Variants in TRIM51G observed in about 807,000 individuals in gnomAD.
TRIM51G encodes the protein tripartite motif-containing 51G.
chr11:48,982,250 T>A, the TRIM51G span, among the ~76,000 whole-genome samples: 2 of 152,078 alleles, frequency 1.3e-5, no homozygotes, highest in Admixed American at 6.6e-5. Context: ...CACTAGGAGA[T>A]AAAATAAATA....
At chr11:48,976,420 G>C in the TRIM51G span, among the ~76,000 whole-genome samples, 1 of 152,062 alleles carries the variant, frequency 6.6e-6, no homozygotes, top group Non-Finnish European at 1.5e-5. Flanking sequence ...TAGATAACTG[G>C]ATAAAAGTCC....
the TRIM51G span, chr11:48,981,384 ACAGAACATCTCCTTTGTCT>A: frequency 3.1e-6 from 5 of 1,607,774 alleles, no homozygotes; most frequent in Non-Finnish European, 2.6e-6. Flanking sequence ...TGTCCACTTC[ACAGAACATCTCCTTTGTCT>A]CTCTGTGCGT....
the TRIM51G span, chr11:48,975,962 G>T: frequency 1.4e-6 from 1 of 715,272 alleles, no homozygotes; most frequent in South Asian, 1.4e-5. Flanking sequence ...AGGAAGATAT[G>T]ACTACTGGCT....
the TRIM51G span, chr11:48,978,065 C>T: frequency 3.8e-5 from 18 of 478,070 alleles, no homozygotes; most frequent in African/African-American, 3.6e-4. Flanking sequence ...TCACTTATAC[C>T]TTCAATATCA....
the TRIM51G span, chr11:48,978,210 A>G: frequency 9.6e-5 from 51 of 530,596 alleles, no homozygotes; most frequent in Admixed American, 4.7e-4. Context: ...TGCATCTTCA[A>G]CTAAGTTCAT....
chr11:48,983,779 G>GA, the TRIM51G span, among the ~76,000 whole-genome samples: 4 of 152,052 alleles, frequency 2.6e-5, no homozygotes, highest in African/African-American at 9.7e-5. Flanking sequence ...ATTCTTCCAA[G>GA]AAAAAATTCT....
chr11:48,983,294 G>A, the TRIM51G span, among the ~76,000 whole-genome samples: 67 of 145,026 alleles, frequency 4.6e-4, 1 homozygote, highest in African/African-American at 1.7e-3. Context: ...CTAAGCTAGG[G>A]CATTTTGGAG....
the TRIM51G span, among the ~76,000 whole-genome samples, chr11:48,980,177 C>G: frequency 6.6e-6 from 1 of 151,968 alleles, no homozygotes; most frequent in Non-Finnish European, 1.5e-5. Context: ...TTGACCTAGA[C>G]TAGGTACTCA....
the TRIM51G span, among the ~76,000 whole-genome samples, chr11:48,983,467 A>T: frequency 6.6e-6 from 1 of 152,098 alleles, no homozygotes; most frequent in Non-Finnish European, 1.5e-5. Context: ...GTACACATAT[A>T]TAGGTTTTAA....
chr11:48,982,671 G>C, the TRIM51G span, among the ~76,000 whole-genome samples: 1 of 151,944 alleles, frequency 6.6e-6, no homozygotes, highest in Admixed American at 6.6e-5. Context: ...ATGACAGCCT[G>C]TGTTCAACTT....
At chr11:48,981,217 G>T in the TRIM51G span, 43 of 1,586,210 alleles carry the variant, frequency 2.7e-5, 1 homozygote, top group Middle Eastern at 9.1e-4. Context: ...ATCCAATCTC[G>T]AAGGAAATAG....
At chr11:48,975,533 G>C in the TRIM51G span, 2 of 1,398,342 alleles carry the variant, frequency 1.4e-6, no homozygotes, top group South Asian at 1.2e-5. Context: ...GGCCAGAGAG[G>C]AGGTGAGAAG....
the TRIM51G span, chr11:48,975,563 A>G: frequency 8.0e-6 from 11 of 1,382,952 alleles, no homozygotes; most frequent in Non-Finnish European, 1.1e-5. Flanking sequence ...GGGATGGTGT[A>G]TATCAGGGAA....
the TRIM51G span, among the ~76,000 whole-genome samples, chr11:48,982,759 C>G: frequency 1.4e-5 from 2 of 148,100 alleles, no homozygotes; most frequent in East Asian, 4.1e-4. Context: ...AGAGTGAGGA[C>G]AGATATATGA....
the TRIM51G span, among the ~76,000 whole-genome samples, chr11:48,976,695 C>T: frequency 1.3e-5 from 2 of 152,100 alleles, no homozygotes; most frequent in East Asian, 3.9e-4. Flanking sequence ...CAACAAACTG[C>T]AGTGAACTCT....
the TRIM51G span, among the ~76,000 whole-genome samples, chr11:48,977,898 TTTTATTTA>T: frequency 2.3e-4 from 33 of 144,686 alleles, no homozygotes; most frequent in East Asian, 8.1e-4. Context: ...TCTCTTTCTT[TTTTATTTA>T]TTTATTTATT....
At chr11:48,980,213 A>T in the TRIM51G span, among the ~76,000 whole-genome samples, 1,510 of 152,128 alleles carry the variant, frequency 9.9e-3, 27 homozygotes, top group African/African-American at 0.034. Flanking sequence ...TGAATATTAC[A>T]ATAAATTAAT....
the TRIM51G span, among the ~76,000 whole-genome samples, chr11:48,982,382 T>C: frequency 2.6e-5 from 4 of 152,110 alleles, no homozygotes; most frequent in East Asian, 3.9e-4. Flanking sequence ...ATTACTGTGG[T>C]ATTACAGTTA....
At chr11:48,977,243 C>T in the TRIM51G span, 1 of 746,000 alleles carries the variant, frequency 1.3e-6, no homozygotes, top group South Asian at 1.4e-5. Context: ...AGAATCACCA[C>T]CTTTATTTAA....
Sources: allele counts gnomAD v4.1 joint callset (sites outside exome capture counted in the v4.1 genomes callset), GRCh38; gene constraint gnomAD v4.1.1; transcripts MANE v1.5; gene names NCBI Gene and HGNC (gene_info 2026-07-23, HGNC 2026-07-21).